Variants in STAB2 observed in about 807,000 individuals in gnomAD.
The protein encoded by STAB2 is stabilin 2.
A neutral mutation model predicts 338.1 loss-of-function variants in STAB2; 288 were observed. The ratio of observed to expected loss-of-function variants is 0.85; its 90% confidence interval spans 0.77 to 0.94. The LOEUF (loss-of-function observed/expected upper bound fraction) is 0.94, where lower values mean the gene tolerates loss of function less well. Among genes scored for constraint, STAB2 ranks in the 40% least tolerant of loss-of-function variants. STAB2 has a pLI of 0.00. For missense variants in STAB2, 3,141 were observed against 3,210.1 expected, an observed-to-expected ratio of 0.98 and a Z score of 0.52; for synonymous variants, 1,202 against 1,193.3, an observed-to-expected ratio of 1.01 and a Z score of -0.15.
chr12:103,763,513 G>A lies in STAB2; in HGVS notation c.7510G>A (p.Ala2504Thr), dbSNP rs139829388. The A allele has an allele frequency of 4.2e-5, 68 of 1,613,954 alleles. No individual in the cohort carries two copies. The highest frequency in any genetic ancestry group is 5.4e-5 in the Non-Finnish European group (64 of 1,179,996). The change falls in exon 68 of 69, where the codon GCA becomes ACA. Residue 2504 changes from alanine to threonine, a missense_variant. By Grantham distance (58) the Ala-to-Thr change is moderately conservative. Transcript: ENST00000388887. Reference protein sequence around the residue: ...HFESEEDINVAALGKQQPENI... With the variant: ...HFESEEDINVTALGKQQPENI... Reference sequence around the variant, plus strand: ...ACAGTCGGAAGAGGACATTAATGTTGCAGCTCTTGGCAAGCAGCAGCCTGA... The same window carrying A: ...ACAGTCGGAAGAGGACATTAATGTTACAGCTCTTGGCAAGCAGCAGCCTGA...
Position 103,704,572 on chromosome 12 carries a change from A to G in STAB2, c.3858A>G (p.Thr1286=), listed in dbSNP as rs377347569. The part of the protein sequence containing the change: ...DTTIIRGRCR[T]CSSELTCPFG... Reference sequence around the variant, plus strand: ...GTTTTACCAAGGGAAGATGTAGGACATGCTCCTCAGAGCTGACCTGCCCAT... The same window carrying G: ...GTTTTACCAAGGGAAGATGTAGGACGTGCTCCTCAGAGCTGACCTGCCCAT... The change falls in exon 36 of 69, where the codon ACA becomes ACG. Residue 1286 remains threonine (T), a synonymous_variant. Transcript: ENST00000388887. 9.9e-6 allele frequency: 16 copies of G among 1,613,576 alleles called. No homozygotes were observed. In the African/African-American group the frequency reaches 2.0e-4, roughly 20 times the overall value.
intron 51 of STAB2, 32 bp from the exon 52 acceptor site, chr12:103,735,459 G>A: frequency 6.5e-7 from 1 of 1,529,752 alleles, no homozygotes; most frequent in Non-Finnish European, 8.8e-7. Flanking sequence ...GCCCAAATTT[G>A]GGGCAGTCAC....
chr12:103,728,795 A>G, intron 47 of STAB2, 54 bp from the exon 48 acceptor site: 1 of 1,606,472 alleles, frequency 6.2e-7, no homozygotes. Context: ...CAAATGGCAC[A>G]TTGCAGCAAA....
Position 103,716,312 on chromosome 12 carries a change from T to A in STAB2, c.4611+424T>A, listed in dbSNP as rs550219063. 1.7e-4 allele frequency among the ~76,000 whole-genome samples: 26 copies of A among 152,268 alleles called. No individual in the cohort carries two copies. The South Asian group carries it at 5.4e-3, about 32-fold the overall frequency. ...CACATGGCCCTGAGTACCATGAGCT[T>A]GCAGCATCTGTCTGGAGAGCAGGCT... On this transcript the variant is annotated intron_variant, in intron 43 of 68. Transcript: ENST00000388887.
rs372398736 is a variant in STAB2, at chr12:103,704,655, C to T, written c.3900+41C>T. ...GTTTTGATAAAATAGTTTCCAGATCCGAGGAGTCCCAATTAGAAAATGAAC... is the reference window on the plus strand; with the variant it reads ...GTTTTGATAAAATAGTTTCCAGATCTGAGGAGTCCCAATTAGAAAATGAAC... On this transcript the variant is annotated intron_variant, in intron 36 of 68. Coordinates refer to ENST00000388887, the MANE Select transcript of STAB2 (RefSeq NM_017564.10). 6.6e-5 allele frequency: 103 copies of T among 1,567,392 alleles called. 1 individual carries two copies. Among genetic ancestry groups the T allele is most frequent in the Middle Eastern group, 1.7e-4 (1 of 5,992 alleles).
intron 17 of STAB2, among the ~76,000 whole-genome samples, chr12:103,661,246 G>C (rs1295157520): frequency 6.7e-6 from 1 of 149,348 alleles, no homozygotes; most frequent in African/African-American, 2.5e-5. Context: ...AAGAGAGAGA[G>C]CATGTGCAAA....
At chr12:103,643,928 C>A (rs558435025) in intron 9 of STAB2, among the ~76,000 whole-genome samples, 1 of 103,478 alleles carries the variant, frequency 9.7e-6, no homozygotes, top group African/African-American at 3.8e-5. Flanking sequence ...CCCCTCTGCC[C>A]GGCCAGCCGC....
intron 16 of STAB2, 28 bp from the exon 17 acceptor site, chr12:103,660,655 T>A (rs1264139062): frequency 1.5e-5 from 25 of 1,613,200 alleles, no homozygotes; most frequent in Non-Finnish European, 2.1e-5. Context: ...CCCAAATATC[T>A]CTGCCTTTTG....
intron 35 of STAB2, among the ~76,000 whole-genome samples, chr12:103,703,604 G>T (rs1879093285): frequency 6.6e-6 from 1 of 152,160 alleles, no homozygotes; most frequent in Non-Finnish European, 1.5e-5. Flanking sequence ...TCTTCAAAGG[G>T]AAAATGTGCC....
chr12:103,755,699 C>A lies in STAB2; in HGVS notation c.6968C>A (p.Ser2323Ter). The A allele has an allele frequency of 6.2e-7, 1 of 1,614,132 alleles. No individual in the cohort carries two copies. Residue 2323 changes from serine (S) to a stop codon, truncating the protein, a stop_gained, in exon 63 of 69, where the codon TCA becomes TAA. Transcript: ENST00000388887. LOFTEE classifies it high-confidence loss of function. The stretch of plus-strand genomic sequence containing the variant: ...CTGCAGGTCCTGATGTCCTTCCCCT[C>A]ACTCACAAACTTCCTGACGGTATGT... ...NLLQVLMSFP[S>*]LTNFLTEVLA...
intron 3 of STAB2, among the ~76,000 whole-genome samples, chr12:103,607,844 C>T (rs908831540): frequency 6.6e-6 from 1 of 152,196 alleles, no homozygotes; most frequent in African/African-American, 2.4e-5. Context: ...CCGCAATAAA[C>T]ATACGTGTGC....
chr12:103,649,137 T>C (rs944305570), intron 10 of STAB2, among the ~76,000 whole-genome samples: 31 of 152,202 alleles, frequency 2.0e-4, no homozygotes, highest in Non-Finnish European at 3.5e-4. Context: ...GGATACAAAC[T>C]GTCCCCCTCG....
chr12:103,688,877 C>G (rs1367368513), intron 28 of STAB2, among the ~76,000 whole-genome samples: 2 of 152,212 alleles, frequency 1.3e-5, no homozygotes, highest in Admixed American at 6.5e-5. Context: ...TGTTCACACT[C>G]ACTCACGAAA....
intron 22 of STAB2, among the ~76,000 whole-genome samples, chr12:103,673,689 G>A (rs1876050235): frequency 6.6e-6 from 1 of 152,146 alleles, no homozygotes; most frequent in South Asian, 2.1e-4. Context: ...CTCCTGGGTG[G>A]GACAAGCAAG....
At chr12:103,745,853 C>T (rs1882987291) in intron 57 of STAB2, among the ~76,000 whole-genome samples, 1 of 152,236 alleles carries the variant, frequency 6.6e-6, no homozygotes, top group Admixed American at 6.5e-5. Flanking sequence ...TTATCACACT[C>T]ATCATTTATA....
chr12:103,712,098 G>A (rs960697293), intron 40 of STAB2, among the ~76,000 whole-genome samples: 1 of 152,214 alleles, frequency 6.6e-6, no homozygotes, highest in Non-Finnish European at 1.5e-5. Context: ...CACATCAGTG[G>A]CTCTCTAAAG....
At position 103,766,540 on chromosome 12, in the gene STAB2, C is replaced by T. The variant is rs963963286; in HGVS notation, c.*204C>T. On this transcript the variant is annotated 3_prime_UTR_variant, in exon 69 of 69. Transcript: ENST00000388887. ...CCCAGTACAGCTTCCTCCTCTGACC[C>T]TTTGGCTCTTCTTCCTTTGTACTCT... 2 of 573,954 alleles carry T rather than the reference C, an allele frequency of 3.5e-6. No homozygotes were observed. Among genetic ancestry groups the T allele is most frequent in the Non-Finnish European group, 6.1e-6 (2 of 325,510 alleles). The allele number at this position is 573,954 out of a possible 1,614,324, so 35.6% of individuals were successfully genotyped here.
At chr12:103,748,033 A>C (rs574426344) in intron 58 of STAB2, among the ~76,000 whole-genome samples, 1 of 152,030 alleles carries the variant, frequency 6.6e-6, no homozygotes, top group East Asian at 1.9e-4. Context: ...GAAGAAGAAA[A>C]CAGAGACTAG....
At chr12:103,645,655 CA>C (rs1258394580) in intron 9 of STAB2, among the ~76,000 whole-genome samples, 1 of 152,206 alleles carries the variant, frequency 6.6e-6, no homozygotes, top group African/African-American at 2.4e-5. Flanking sequence ...ACAGTGCTTG[CA>C]GAGGAGGTTG....
Sources: gnomAD v4.1 joint callset for allele counts (sites outside exome capture counted in the v4.1 genomes callset) on GRCh38, gnomAD v4.1.1 for gene constraint, MANE v1.5 for transcripts, NCBI Gene and HGNC (gene_info 2026-07-23, HGNC 2026-07-21) for gene names.